The following DISC1 variants were observed in gnomAD, a reference collection of about 807,000 sequenced individuals.
DISC1 encodes the protein DISC1 scaffold protein, also known as disrupted in schizophrenia 1 protein.
In DISC1, 57 loss-of-function variants were observed where a neutral mutation model predicts 84.5. The ratio of observed to expected loss-of-function variants is 0.67; its 90% CI spans 0.55 to 0.84. The LOEUF is 0.84. DISC1 is among the 40% of genes least tolerant of loss of function. The pLI is 0.00. For synonymous variants in DISC1, 411 were observed against 415.2 expected (o/e 0.99, Z 0.12); for missense variants, 1,000 against 1,057.8 (o/e 0.95, Z 0.76).
At chr1:231,964,761 T>TAA (rs1660870814) in intron 10 of DISC1, among the ~76,000 whole-genome samples, 1 of 152,246 alleles carries the variant, frequency 6.6e-6, no homozygotes, top group Admixed American at 6.5e-5. Flanking sequence ...AAAACAGTTT[T>TAA]AACACCTGAC....
intron 3 of DISC1, among the ~76,000 whole-genome samples, chr1:231,730,359 G>T (rs1443302081): frequency 6.6e-6 from 1 of 152,194 alleles, no homozygotes; most frequent in Non-Finnish European, 1.5e-5. Flanking sequence ...CTAAAAAAGT[G>T]ACCATTTGGA....
rs1456466673 is a variant in DISC1, at chr1:231,909,927, G to A, written c.1982-48901G>A. On this transcript the variant is annotated intron_variant, in intron 9 of 12. Coordinates refer to ENST00000439617, the MANE Select transcript of DISC1 (RefSeq NM_018662.3). ...TGGGAGGATGTATGTGTCCAGGAAT[G>A]TATCCATTTCTTCTAGATTTTCTAG... 6.6e-5 allele frequency among the ~76,000 whole-genome samples: 10 copies of A among 152,228 alleles called. No individual in the cohort carries two copies. In the South Asian group the frequency reaches 8.3e-4, roughly 13 times the overall value.
chr1:231,794,249 CT>C (rs5781669), intron 6 of DISC1, among the ~76,000 whole-genome samples: 147,312 of 149,802 alleles, frequency 0.98, 72,438 homozygotes, highest in East Asian at 1. Flanking sequence ...ATTTCATTCT[CT>C]TTTTTTTTTT....
intron 9 of DISC1, among the ~76,000 whole-genome samples, chr1:231,877,991 G>C (rs576403203): frequency 1.3e-5 from 2 of 152,218 alleles, no homozygotes; most frequent in Non-Finnish European, 2.9e-5. Flanking sequence ...AATTGCAGCA[G>C]AAAGGAATTA....
chr1:231,791,589 A>G (rs867918312), intron 6 of DISC1, among the ~76,000 whole-genome samples: 2 of 152,152 alleles, frequency 1.3e-5, no homozygotes, highest in African/African-American at 4.8e-5. Context: ...GAATGAAGAT[A>G]CTCATTTGGG....
chr1:231,921,104 C>T (rs554641408), intron 9 of DISC1, among the ~76,000 whole-genome samples: 22 of 150,714 alleles, frequency 1.5e-4, no homozygotes, highest in South Asian at 6.3e-4. Flanking sequence ...TTAGTAGAGA[C>T]GGGGTTTCAC....
At chr1:231,680,517 G>T (rs1337369070) in intron 1 of DISC1, among the ~76,000 whole-genome samples, 1 of 152,070 alleles carries the variant, frequency 6.6e-6, no homozygotes, top group Non-Finnish European at 1.5e-5. Flanking sequence ...CCTCATACCA[G>T]TGCACTACAT....
chr1:231,913,080 T>C (rs1042363339), intron 9 of DISC1, among the ~76,000 whole-genome samples: 1 of 151,954 alleles, frequency 6.6e-6, no homozygotes, highest in African/African-American at 2.4e-5. Flanking sequence ...GCTAATTTTT[T>C]ACAGTATTTT....
chr1:231,738,742 ATCAT>A (rs1430020080), intron 3 of DISC1, among the ~76,000 whole-genome samples: 1 of 152,134 alleles, frequency 6.6e-6, no homozygotes, highest in Non-Finnish European at 1.5e-5. Flanking sequence ...CCTCCATTTC[ATCAT>A]TCATTTCCAT....
chr1:232,033,576 A>G (rs908418870), intron 12 of DISC1, among the ~76,000 whole-genome samples: 2 of 152,082 alleles, frequency 1.3e-5, no homozygotes, highest in African/African-American at 4.8e-5. Context: ...TTTCTGCTGC[A>G]CTCATAGGTA....
chr1:231,657,923 C>G (rs2061257672), intron 1 of DISC1, among the ~76,000 whole-genome samples: 1 of 152,130 alleles, frequency 6.6e-6, no homozygotes, highest in Admixed American at 6.5e-5. Context: ...CATGATGCCT[C>G]CAGCTTTGTT....
intron 1 of DISC1, among the ~76,000 whole-genome samples, chr1:231,649,924 C>G (rs1158181989): frequency 1.3e-5 from 2 of 152,138 alleles, no homozygotes; most frequent in African/African-American, 4.8e-5. Context: ...GGTAGATCTT[C>G]CTCCATCCCT....
At chr1:231,884,536 T>C (rs937568387) in intron 9 of DISC1, among the ~76,000 whole-genome samples, 2 of 152,158 alleles carry the variant, frequency 1.3e-5, no homozygotes, top group Non-Finnish European at 2.9e-5. Context: ...TCTTTGTTAT[T>C]GTGAATAGTG....
intron 2 of DISC1, among the ~76,000 whole-genome samples, chr1:231,696,984 A>C (rs2065794605): frequency 6.6e-6 from 1 of 152,190 alleles, no homozygotes; most frequent in Non-Finnish European, 1.5e-5. Flanking sequence ...GAATGACAGA[A>C]ATAACACAGT....
intron 6 of DISC1, among the ~76,000 whole-genome samples, chr1:231,778,297 T>G (rs2077112435): frequency 6.6e-6 from 1 of 152,260 alleles, no homozygotes; most frequent in Non-Finnish European, 1.5e-5. Context: ...TACTTGTCTG[T>G]GAAAAGAGGG....
chr1:232,026,706 A>G (rs1163888857), intron 12 of DISC1, among the ~76,000 whole-genome samples, 154 bp downstream of exon 12: 1 of 151,152 alleles, frequency 6.6e-6, no homozygotes, highest in African/African-American at 2.4e-5. Context: ...ATTATCAGGT[A>G]TGAAATGTTT....
At chr1:231,907,857 G>A (rs1463390498) in intron 9 of DISC1, among the ~76,000 whole-genome samples, 1 of 152,114 alleles carries the variant, frequency 6.6e-6, no homozygotes, top group East Asian at 1.9e-4. Context: ...ACTTTTTAAT[G>A]ATCGCCATTC....
chr1:231,831,209 G>A (rs1426283655), intron 9 of DISC1, among the ~76,000 whole-genome samples: 2 of 152,172 alleles, frequency 1.3e-5, no homozygotes, highest in Non-Finnish European at 2.9e-5. Flanking sequence ...GTAGGGAAGG[G>A]AGGAGGCCTG....
intron 1 of DISC1, among the ~76,000 whole-genome samples, chr1:231,647,795 C>G (rs1018514449): frequency 3.3e-5 from 5 of 152,068 alleles, no homozygotes; most frequent in African/African-American, 1.2e-4. Flanking sequence ...AGTTGGATTC[C>G]TCGGTGTTTT....
Sources: gnomAD v4.1 joint callset for allele counts (sites outside exome capture counted in the v4.1 genomes callset) on GRCh38, gnomAD v4.1.1 for gene constraint, MANE v1.5 for transcripts, NCBI Gene and HGNC (gene_info 2026-07-23, HGNC 2026-07-21) for gene names.